TUNAR: variants seen among roughly 807,000 people sequenced by gnomAD.
TUNAR encodes protein TUNAR.
intron 2 of TUNAR, among the ~76,000 whole-genome samples, chr14:95,899,551 G>A (rs1274939875): frequency 2.0e-5 from 3 of 152,224 alleles, no homozygotes; most frequent in African/African-American, 7.2e-5. Context: ...AGCATAAATT[G>A]AGTGGCTTCT....
intron 2 of TUNAR, among the ~76,000 whole-genome samples, chr14:95,904,714 G>C (rs1251377003): frequency 1.3e-5 from 2 of 152,200 alleles, no homozygotes; most frequent in African/African-American, 4.8e-5. Context: ...GCCCCTTCCA[G>C]GCCTCGGGCC....
intron 2 of TUNAR, among the ~76,000 whole-genome samples, chr14:95,881,100 C>T (rs1345468955): frequency 6.6e-6 from 1 of 152,178 alleles, no homozygotes; most frequent in Admixed American, 6.5e-5. Flanking sequence ...TGTCCTTCCT[C>T]CCCAATTTCT....
chr14:95,917,616 A>G (rs1314778914), intron 2 of TUNAR, among the ~76,000 whole-genome samples: 1 of 152,184 alleles, frequency 6.6e-6, no homozygotes, highest in Non-Finnish European at 1.5e-5. Context: ...TGCTTATTGA[A>G]TCTAGCATTC....
intron 2 of TUNAR, among the ~76,000 whole-genome samples, chr14:95,906,127 G>A: frequency 6.6e-6 from 1 of 152,100 alleles, no homozygotes; most frequent in East Asian, 1.9e-4. Flanking sequence ...CCTCAACTCT[G>A]GAATCAACCA....
intron 2 of TUNAR, among the ~76,000 whole-genome samples, chr14:95,921,333 A>G (rs1566793590): frequency 6.6e-6 from 1 of 152,174 alleles, no homozygotes; most frequent in East Asian, 1.9e-4. Context: ...CTCTAAAGGC[A>G]CAGCCCTCCA....
rs529610756 is a variant in TUNAR at position 95,917,960 on chromosome 14, C to T, written c.13-4821C>T. Among the ~76,000 whole-genome samples the T allele has an allele frequency of 2.1e-3, 320 of 152,128 alleles. 3 individuals are homozygous for T. Among genetic ancestry groups the T allele is most frequent in the Non-Finnish European group, 9.7e-4 (66 of 68,022 alleles). On this transcript the variant is annotated intron_variant, in intron 2 of 2. Coordinates refer to ENST00000678517, the Ensembl canonical transcript of TUNAR. ...AATGCCTTTACTGTTATCAGCCAAT[C>T]CCCACTTCCCCCTCCACCCAGCCCC...
chr14:95,919,427 G>T (rs960681914), intron 2 of TUNAR, among the ~76,000 whole-genome samples: 6 of 152,242 alleles, frequency 3.9e-5, no homozygotes, highest in Non-Finnish European at 5.9e-5. Flanking sequence ...CTGCAGTTTA[G>T]GCCAAGCATG....
At chr14:95,920,880 A>G (rs767736113) in intron 2 of TUNAR, among the ~76,000 whole-genome samples, 32 of 152,320 alleles carry the variant, frequency 2.1e-4, no homozygotes, top group Middle Eastern at 6.8e-3. Context: ...GAGATTTATT[A>G]TACAGAGTTG....
chr14:95,882,406 TGATTTCACACCCGTTTCCA>T, intron 2 of TUNAR, among the ~76,000 whole-genome samples: 1 of 152,228 alleles, frequency 6.6e-6, no homozygotes, highest in Non-Finnish European at 1.5e-5. Flanking sequence ...GTAGTAGAAA[TGATTTCACACCCGTTTCCA>T]GCAACGAGAA....
chr14:95,896,455 G>A (rs1266101999), intron 2 of TUNAR, among the ~76,000 whole-genome samples: 1 of 152,198 alleles, frequency 6.6e-6, no homozygotes, highest in Non-Finnish European at 1.5e-5. Flanking sequence ...CTGGGACAAA[G>A]CACCTCCTGC....
At position 95,895,320 on chromosome 14, in the gene TUNAR, G is replaced by C. The variant is rs1182147426; in HGVS notation, c.12+18143G>C. ...CTGGGCAAGATAGAAAGATCTGCCTGCTGGTTTGATAGAGTGAGGGAAGTG... is the reference window on the plus strand; with the variant it reads ...CTGGGCAAGATAGAAAGATCTGCCTCCTGGTTTGATAGAGTGAGGGAAGTG... On this transcript the variant is annotated intron_variant, in intron 2 of 2. Transcript: ENST00000678517. This position sits in a 1 kb window ranked among gnomAD's most constrained non-coding sequence, Gnocchi z 4.5. Among the ~76,000 whole-genome samples, 1 of 152,204 alleles carries C rather than the reference G, an allele frequency of 6.6e-6. No homozygotes were observed. Among genetic ancestry groups the C allele is most frequent in the Non-Finnish European group, 1.5e-5 (1 of 68,038 alleles).
At chr14:95,883,189 TC>T (rs1248658078) in intron 2 of TUNAR, among the ~76,000 whole-genome samples, 3 of 152,220 alleles carry the variant, frequency 2.0e-5, no homozygotes, top group Admixed American at 6.5e-5. Flanking sequence ...TTGAGACTGT[TC>T]CTCTCTGTTT....
At chr14:95,903,621 C>G (rs1008798320) in intron 2 of TUNAR, among the ~76,000 whole-genome samples, 27 of 152,388 alleles carry the variant, frequency 1.8e-4, no homozygotes, top group Non-Finnish European at 3.7e-4. Context: ...AAGCCTCTTT[C>G]AGCCAGTGTT....
At chr14:95,896,510 G>C (rs1264836414) in intron 2 of TUNAR, among the ~76,000 whole-genome samples, 1 of 152,182 alleles carries the variant, frequency 6.6e-6, no homozygotes, top group Non-Finnish European at 1.5e-5. Context: ...GAAGGGACTG[G>C]GCTGGGTGAG....
chr14:95,924,661 A>G (rs957348626), exon 3 of TUNAR: 1 of 152,256 alleles, frequency 6.6e-6, no homozygotes. Context: ...GGAGACTCCC[A>G]TTTTTAAAAC....
At chr14:95,907,672 C>T (rs1889448208) in intron 2 of TUNAR, among the ~76,000 whole-genome samples, 1 of 152,184 alleles carries the variant, frequency 6.6e-6, no homozygotes, top group Non-Finnish European at 1.5e-5. Flanking sequence ...TCTCTGTAGG[C>T]AGGTCATCCC....
chr14:95,899,486 G>A (rs1171815637), intron 2 of TUNAR, among the ~76,000 whole-genome samples: 2 of 152,242 alleles, frequency 1.3e-5, no homozygotes, highest in African/African-American at 4.8e-5. Context: ...TCAAGGGGGT[G>A]TTTGACTGCA....
At chr14:95,886,103 G>A (rs918486654) in intron 2 of TUNAR, among the ~76,000 whole-genome samples, 2 of 152,208 alleles carry the variant, frequency 1.3e-5, no homozygotes, top group African/African-American at 4.8e-5. Flanking sequence ...CGAGCCATGG[G>A]TCTCCCTGTG....
rs1888888536 is a variant in TUNAR, at chr14:95,876,815, T to A, written c.-306-45T>A. 1 of 152,082 alleles carries A rather than the reference T, an allele frequency of 6.6e-6. No homozygotes were observed. The highest frequency in any genetic ancestry group is 6.5e-5 in the Admixed American group (1 of 15,278). The allele number at this position is 152,082 out of a possible 1,614,324, so 9.4% of individuals were successfully genotyped here. ...CCCCGCGGGGTGCAGCTCTGCGCGT[T>A]CTCATGCTGTCTCTCTCTCTTTCCC... is the stretch of plus-strand genomic sequence containing the variant. On this transcript the variant is annotated intron_variant, in intron 1 of 2. Transcript: ENST00000678517.
Sources: allele counts gnomAD v4.1 joint callset (sites outside exome capture counted in the v4.1 genomes callset), GRCh38; gene constraint gnomAD v4.1.1; non-coding constraint Gnocchi (gnomAD v3.1); transcripts MANE v1.5; gene names NCBI Gene and HGNC (gene_info 2026-07-23, HGNC 2026-07-21).